Variants in DMD observed in about 807,000 individuals in gnomAD.
DMD encodes mutant dystrophin.
In DMD, 63 loss-of-function variants were observed where a neutral mutation model predicts 330.1. The ratio of observed to expected loss-of-function variants is 0.19; its 90% CI spans 0.16 to 0.24. DMD has a LOEUF of 0.24. Ranked by LOEUF, DMD falls within the 10% of genes least tolerant of loss-of-function variation. DMD has a pLI of 1.00. For missense variants in DMD, 3,344 were observed against 2,684.1 expected (o/e 1.25, Z -5.43); for synonymous variants, 1,223 against 959.8 (o/e 1.27, Z -5.07).
At chrX:32,429,630 C>T (rs995009300) in intron 29 of DMD, among the ~76,000 whole-genome samples, 4 of 108,599 alleles carry the variant, frequency 3.7e-5, no homozygotes, top group African/African-American at 1.3e-4. Context: ...TGCTTTACTG[C>T]GTACTGATTG....
chrX:33,300,480 T>C (rs1014539175), intron 1 of DMD, among the ~76,000 whole-genome samples: 1 of 112,181 alleles, frequency 8.9e-6, no homozygotes, highest in Non-Finnish European at 1.9e-5. Flanking sequence ...AGACAAACTA[T>C]AACTCTTTGT....
chrX:31,453,217 G>A (rs771393952), intron 59 of DMD, among the ~76,000 whole-genome samples: 1 of 110,814 alleles, frequency 9.0e-6, no homozygotes, highest in Non-Finnish European at 1.9e-5. Context: ...GTGCAGTGGT[G>A]TGATCTCGAT....
At chrX:32,163,400 C>A (rs1046987865) in intron 44 of DMD, among the ~76,000 whole-genome samples, 1 of 112,149 alleles carries the variant, frequency 8.9e-6, no homozygotes, top group Non-Finnish European at 1.9e-5. Flanking sequence ...TTTCTTTCCC[C>A]AAATGAGTTT....
chrX:32,917,642 T>C (rs193271097), intron 2 of DMD, among the ~76,000 whole-genome samples: 5 of 111,981 alleles, frequency 4.5e-5, no homozygotes, highest in Non-Finnish European at 1.9e-5. Flanking sequence ...GAGAAGAAGG[T>C]AAATTGCATC....
At chrX:32,787,117 A>G (rs2075418484) in intron 7 of DMD, among the ~76,000 whole-genome samples, 2 of 110,490 alleles carry the variant, frequency 1.8e-5, no homozygotes, top group Admixed American at 9.7e-5. Context: ...TACAAATACT[A>G]TGACAATTAT....
At position 32,687,121 on chromosome X, in the gene DMD, C is replaced by G. The variant is rs889881855; in HGVS notation, c.960+10749G>C. 2.7e-5 allele frequency among the ~76,000 whole-genome samples: 3 copies of G among 112,183 alleles called. No homozygotes were observed. In the Admixed American group the frequency reaches 2.8e-4, roughly 11 times the overall value. On this transcript the variant is annotated intron_variant, in intron 9 of 78. Coordinates refer to ENST00000357033, the MANE Select transcript of DMD (RefSeq NM_004006.3). ...AATTAAGTGGCCATTTCGGCTCCTACTCTGTGACACTTATGTGCAAGGACA... is the reference window on the plus strand; with the variant it reads ...AATTAAGTGGCCATTTCGGCTCCTAGTCTGTGACACTTATGTGCAAGGACA...
intron 67 of DMD, among the ~76,000 whole-genome samples, chrX:31,202,677 A>G (rs906540578): frequency 2.7e-5 from 3 of 112,036 alleles, no homozygotes; most frequent in African/African-American, 9.7e-5. Context: ...AGCTAGTTCC[A>G]TTTTGTAAAT....
rs1198323604 is a variant in DMD, at chrX:32,190,550, T to TTAGATATATATATATATA, written c.6438+26365_6438+26366insTATATATATATATATCTA. Among the ~76,000 whole-genome samples, 8 of 62,520 alleles carry TTAGATATATATATATATA rather than the reference T, an allele frequency of 1.3e-4. No individual in the cohort carries two copies. In the East Asian group the frequency reaches 2.1e-3, roughly 16 times the overall value. The allele number at this position is 62,520 out of a possible 115,157, so 54.3% of individuals were successfully genotyped here. On this transcript the variant is annotated intron_variant, in intron 44 of 78. Coordinates refer to ENST00000357033, the MANE Select transcript of DMD (RefSeq NM_004006.3). ...ATTCTAGCTAACCATATTTAAAATT[T>TTAGATATATATATATATA]TATATATATATATATATATATATAT... is the stretch of plus-strand genomic sequence containing the variant.
At chrX:31,483,958 C>A (rs1235694635) in intron 57 of DMD, among the ~76,000 whole-genome samples, 1 of 111,396 alleles carries the variant, frequency 9.0e-6, no homozygotes, top group African/African-American at 3.3e-5. Flanking sequence ...CATCTGTGGT[C>A]TTTGTAGCAT....
At chrX:31,377,636 T>C (rs186034316) in intron 60 of DMD, among the ~76,000 whole-genome samples, 5 of 112,057 alleles carry the variant, frequency 4.5e-5, no homozygotes, top group Non-Finnish European at 5.6e-5. Context: ...CTGTGGGCTT[T>C]GGGCAAATTA....
intron 63 of DMD, among the ~76,000 whole-genome samples, chrX:31,250,879 C>T (rs916444466): frequency 4.5e-5 from 5 of 110,604 alleles, no homozygotes; most frequent in Non-Finnish European, 9.5e-5. Flanking sequence ...GTCAAGAGAT[C>T]GAGACCATCC....
chrX:32,342,719 A>C (rs2097749965), intron 40 of DMD: 1 of 273,040 alleles, frequency 3.7e-6, no homozygotes, highest in African/African-American at 2.8e-5. Context: ...ATAATAACAG[A>C]AAAAAACATA....
At chrX:31,325,352 C>A (rs2056706427) in intron 61 of DMD, among the ~76,000 whole-genome samples, 1 of 107,556 alleles carries the variant, frequency 9.3e-6, no homozygotes, top group Non-Finnish European at 1.9e-5. Flanking sequence ...GTAATCCCAA[C>A]ACTTTGGGAG....
At chrX:32,172,255 TA>T (rs1273370589) in intron 44 of DMD, among the ~76,000 whole-genome samples, 1 of 111,723 alleles carries the variant, frequency 9.0e-6, no homozygotes, top group East Asian at 2.8e-4. Flanking sequence ...CAAAGTCTTA[TA>T]AAAAATTTAT....
intron 55 of DMD, among the ~76,000 whole-genome samples, chrX:31,535,503 A>T (rs1352626547): frequency 2.3e-5 from 2 of 87,147 alleles, no homozygotes; most frequent in Non-Finnish European, 4.5e-5. Flanking sequence ...TGGATTAAAG[A>T]TTTAAACGTT....
intron 7 of DMD, among the ~76,000 whole-genome samples, chrX:32,741,898 G>A (rs1262736690): frequency 1.8e-4 from 20 of 111,909 alleles, no homozygotes; most frequent in Non-Finnish European, 3.8e-5. Flanking sequence ...AGTTGAAGCC[G>A]CTTGATGTTT....
intron 12 of DMD, among the ~76,000 whole-genome samples, chrX:32,603,692 G>T (rs1020849437): frequency 2.1e-4 from 23 of 110,995 alleles, no homozygotes; most frequent in African/African-American, 6.5e-4. Flanking sequence ...TGATACCATA[G>T]AAATACGAAA....
At chrX:32,880,568 A>G (rs560161630) in intron 2 of DMD, among the ~76,000 whole-genome samples, 1 of 112,276 alleles carries the variant, frequency 8.9e-6, no homozygotes, top group East Asian at 2.8e-4. Context: ...TTGCTTTTGA[A>G]ATACCTATTT....
In DMD at chrX:32,715,046, C is replaced by A. The variant is rs186770778; in HGVS notation, c.650-15753G>T. 2.9e-3 allele frequency among the ~76,000 whole-genome samples: 320 copies of A among 111,661 alleles called. 4 individuals carry two copies. Among genetic ancestry groups the A allele is most frequent in the Non-Finnish European group, 7.2e-4 (38 of 53,103 alleles). On this transcript the variant is annotated intron_variant, in intron 7 of 78. Transcript: ENST00000357033. ...TCATGTTTTATATTAGATCTTTCAA[C>A]TTGTTTATCCCACATATTTGCTACT... is the stretch of plus-strand genomic sequence containing the variant.
Sources: gnomAD v4.1 joint callset for allele counts (sites outside exome capture counted in the v4.1 genomes callset) on GRCh38, gnomAD v4.1.1 for gene constraint, MANE v1.5 for transcripts, NCBI Gene and HGNC (gene_info 2026-07-23, HGNC 2026-07-21) for gene names.